The following PREX2 variants were observed in gnomAD, a reference collection of about 807,000 sequenced individuals.
The protein encoded by PREX2 is phosphatidylinositol-3,4,5-trisphosphate dependent Rac exchange factor 2.
Under a neutral mutation model 203.2 loss-of-function variants are expected in PREX2, and 107 were observed. That is an observed-to-expected ratio of 0.53 (90% CI 0.45 to 0.62). The LOEUF (loss-of-function observed/expected upper bound fraction) is 0.62, where lower values mean the gene tolerates loss of function less well. PREX2 is among the 20% of genes least tolerant of loss of function. PREX2 has a pLI of 0.00. For missense variants in PREX2, 1,777 were observed against 1,955.9 expected (o/e 0.91, Z 1.72); for synonymous variants, 672 against 663.6 (o/e 1.01, Z -0.19).
rs944400207 is a variant in PREX2 at position 68,093,631 on chromosome 8, T to C, written c.2277T>C (p.Asn759=). 4 of 1,603,376 alleles carry C rather than the reference T, an allele frequency of 2.5e-6. No individual in the cohort carries two copies. The African/African-American group carries it at 5.4e-5, about 21-fold the overall frequency. The change falls in exon 21 of 40, where the codon AAT becomes AAC. Residue 759 remains asparagine, a synonymous_variant. Coordinates refer to ENST00000288368, the MANE Select transcript of PREX2 (RefSeq NM_024870.4). The part of the protein sequence containing the change: ...TKQDSIQWVY[N]SIESAQEDLQ... The stretch of plus-strand genomic sequence containing the variant: ...AAGATTCCATACAATGGGTTTATAA[T>C]AGCATTGAGAGTGCTCAAGAAGACC...
chr8:68,077,530 C>A, intron 15 of PREX2, 61 bp downstream of exon 15: 1 of 1,187,460 alleles, frequency 8.4e-7, no homozygotes, highest in Non-Finnish European at 1.3e-6. Flanking sequence ...TCTTAGGATA[C>A]TGCAACACCC....
intron 38 of PREX2, among the ~76,000 whole-genome samples, chr8:68,223,704 T>A (rs1232029167): frequency 6.6e-6 from 1 of 152,202 alleles, no homozygotes; most frequent in African/African-American, 2.4e-5. Flanking sequence ...GATTATAACT[T>A]CATTCATGAA....
intron 1 of PREX2, among the ~76,000 whole-genome samples, chr8:67,958,195 C>T (rs866426398): frequency 6.6e-6 from 1 of 152,166 alleles, no homozygotes; most frequent in African/African-American, 2.4e-5. Context: ...ATATTAGGTG[C>T]TGGGTCATCA....
intron 10 of PREX2, among the ~76,000 whole-genome samples, chr8:68,056,266 A>G (rs1174421430): frequency 6.6e-6 from 1 of 152,100 alleles, no homozygotes; most frequent in Non-Finnish European, 1.5e-5. Context: ...GCAGGCAGGT[A>G]GGTTTGCCTG....
intron 35 of PREX2, among the ~76,000 whole-genome samples, chr8:68,169,794 T>A (rs999754197): frequency 6.6e-6 from 1 of 152,170 alleles, no homozygotes; most frequent in Non-Finnish European, 1.5e-5. Context: ...TCAGATATTA[T>A]CAGTTGCCCC....
intron 37 of PREX2, among the ~76,000 whole-genome samples, chr8:68,215,130 C>A (rs980129270): frequency 2.0e-5 from 3 of 152,162 alleles, no homozygotes; most frequent in African/African-American, 7.2e-5. Flanking sequence ...GCAGTAAAAT[C>A]TTTTAAAATC....
chr8:68,120,174 C>G (rs766761958), intron 28 of PREX2, 22 bp from the exon 29 acceptor site: 1 of 1,492,674 alleles, frequency 6.7e-7, no homozygotes. Context: ...ATATGTAACT[C>G]GGAAATCTCT....
chr8:68,147,870 C>G (rs1466355964), intron 34 of PREX2, among the ~76,000 whole-genome samples: 1 of 130,446 alleles, frequency 7.7e-6, no homozygotes, highest in East Asian at 2.0e-4. Context: ...AATCCAGATT[C>G]TATAATGAAA....
At chr8:68,105,603 A>G (rs1339688874) in intron 23 of PREX2, 1 of 1,086,022 alleles carries the variant, frequency 9.2e-7, no homozygotes. Context: ...TCTGGCTTTT[A>G]CGTGCATTAT....
chr8:68,110,648 T>C (rs1810516909), intron 25 of PREX2, among the ~76,000 whole-genome samples: 1 of 152,184 alleles, frequency 6.6e-6, no homozygotes, highest in African/African-American at 2.4e-5. Context: ...TCATGGATAA[T>C]TCAGTTTTGA....
chr8:68,111,380 T>C (rs1037027802), intron 25 of PREX2, among the ~76,000 whole-genome samples: 41 of 152,266 alleles, frequency 2.7e-4, no homozygotes, highest in African/African-American at 9.6e-4. Flanking sequence ...AGACTTTGTC[T>C]TTGTTAATTT....
Position 68,099,747 on chromosome 8 carries a change from A to G in PREX2, c.2619A>G (p.Leu873=). The G allele has an allele frequency of 6.2e-7, 1 of 1,613,994 alleles. No individual in the cohort carries two copies. Among genetic ancestry groups the G allele is most frequent in the Non-Finnish European group, 8.5e-7 (1 of 1,179,942 alleles). ...FVQNCTSLNS[L]NEVIPTDLQS... ...AAAACTGTACCAGCCTAAATTCTCT[A>G]AATGAAGTGATTCCTACTGACCTTC... is the stretch of plus-strand genomic sequence containing the variant. Residue 873 remains leucine, a synonymous_variant, in exon 23 of 40, where the codon CTA becomes CTG. Coordinates refer to ENST00000288368, the MANE Select transcript of PREX2 (RefSeq NM_024870.4).
chr8:68,219,216 CAT>C (rs1471922746), intron 38 of PREX2, among the ~76,000 whole-genome samples: 1 of 152,012 alleles, frequency 6.6e-6, no homozygotes, highest in African/African-American at 2.4e-5. Flanking sequence ...GAGTTGGTGA[CAT>C]ATCCATTTCT....
At chr8:68,184,512 A>G (rs931623545) in intron 35 of PREX2, among the ~76,000 whole-genome samples, 1 of 152,226 alleles carries the variant, frequency 6.6e-6, no homozygotes, top group Non-Finnish European at 1.5e-5. Flanking sequence ...TACCGTTTAG[A>G]ATATTTTGGG....
At chr8:68,184,036 C>G (rs1302167006) in intron 35 of PREX2, among the ~76,000 whole-genome samples, 3 of 152,100 alleles carry the variant, frequency 2.0e-5, no homozygotes, top group Admixed American at 6.6e-5. Context: ...AGAAGATTAT[C>G]TCATTATTCA....
At chr8:68,048,241 T>C (rs781581500) in intron 8 of PREX2, among the ~76,000 whole-genome samples, 1 of 152,098 alleles carries the variant, frequency 6.6e-6, no homozygotes, top group Non-Finnish European at 1.5e-5. Context: ...AAGGCAATAG[T>C]TGGAAAGCTA....
chr8:68,066,207 A>G (rs1306812769), intron 11 of PREX2, among the ~76,000 whole-genome samples: 2 of 152,118 alleles, frequency 1.3e-5, no homozygotes, highest in African/African-American at 2.4e-5. Context: ...TCTCTTTGAC[A>G]TATTGATTTT....
At position 67,977,050 on chromosome 8, in the gene PREX2, T is replaced by C. The variant is rs78547652; in HGVS notation, c.141+24515T>C. On this transcript the variant is annotated intron_variant, in intron 1 of 39. Coordinates refer to ENST00000288368, the MANE Select transcript of PREX2 (RefSeq NM_024870.4). ...TTATGCAATATAATGGATTGAATGT[T>C]TGTCTCCCCCCTAAATGTATATGTT... 1.4e-3 allele frequency among the ~76,000 whole-genome samples: 210 copies of C among 152,342 alleles called. 1 individual carries two copies. The highest frequency in any genetic ancestry group is 2.3e-3 in the East Asian group (12 of 5,184).
At chr8:68,066,444 G>A (rs540035515) in intron 11 of PREX2, among the ~76,000 whole-genome samples, 2 of 152,148 alleles carry the variant, frequency 1.3e-5, no homozygotes, top group Admixed American at 1.3e-4. Context: ...TTATAGTTTC[G>A]ATTTGCATTT....
Sources: gnomAD v4.1 joint callset for allele counts (sites outside exome capture counted in the v4.1 genomes callset) on GRCh38, gnomAD v4.1.1 for gene constraint, MANE v1.5 for transcripts, NCBI Gene and HGNC (gene_info 2026-07-23, HGNC 2026-07-21) for gene names.